BBS9: variants seen among roughly 807,000 people sequenced by gnomAD.
The protein encoded by BBS9 is Bardet-Biedl syndrome 9.
BBS9 carries 89 observed loss-of-function variants against 117.7 expected under a neutral mutation model. That is an observed-to-expected ratio of 0.76 (90% CI 0.64 to 0.90). The LOEUF is 0.90. BBS9 is among the 40% of genes least tolerant of loss of function. BBS9 has a pLI of 0.00. For synonymous variants in BBS9, 379 were observed against 370.9 expected (o/e 1.02, Z -0.25); for missense variants, 982 against 1,042.2 (o/e 0.94, Z 0.80).
chr7:33,547,848 A>G (rs1563341091), intron 21 of BBS9, among the ~76,000 whole-genome samples: 1 of 152,220 alleles, frequency 6.6e-6, no homozygotes, highest in Non-Finnish European at 1.5e-5. Context: ...TCAGTTATTG[A>G]TAGTATGCTC....
chr7:33,455,462 C>T (rs1035731695), intron 19 of BBS9, among the ~76,000 whole-genome samples: 1 of 152,130 alleles, frequency 6.6e-6, no homozygotes, highest in Non-Finnish European at 1.5e-5. Context: ...GCTTACTAAC[C>T]CAGAAAGAAA....
At chr7:33,263,923 A>G (rs1203314823) in intron 6 of BBS9, among the ~76,000 whole-genome samples, 1 of 151,834 alleles carries the variant, frequency 6.6e-6, no homozygotes, top group East Asian at 1.9e-4. Flanking sequence ...GATAATTTCT[A>G]CTCCATCTGA....
At chr7:33,301,725 C>T (rs2128425462) in intron 9 of BBS9, among the ~76,000 whole-genome samples, 1 of 152,238 alleles carries the variant, frequency 6.6e-6, no homozygotes, top group East Asian at 1.9e-4. Context: ...GTGAATAGTG[C>T]TGCAGTAAAC....
At chr7:33,439,906 G>A (rs922620013) in intron 19 of BBS9, among the ~76,000 whole-genome samples, 2 of 152,170 alleles carry the variant, frequency 1.3e-5, no homozygotes, top group African/African-American at 2.4e-5. Flanking sequence ...CTAGGGTAGG[G>A]CACAAGGACT....
At chr7:33,189,170 G>T (rs937318629) in intron 5 of BBS9, among the ~76,000 whole-genome samples, 1 of 152,058 alleles carries the variant, frequency 6.6e-6, no homozygotes, top group East Asian at 1.9e-4. Flanking sequence ...ACAGATGTGC[G>T]CTACCATGCC....
At chr7:33,467,995 G>A (rs1840431746) in intron 19 of BBS9, among the ~76,000 whole-genome samples, 1 of 152,128 alleles carries the variant, frequency 6.6e-6, no homozygotes, top group South Asian at 2.1e-4. Context: ...TCATCACTTT[G>A]CTGATAATTG....
chr7:33,499,605 A>G (rs1224525199), intron 19 of BBS9, among the ~76,000 whole-genome samples: 2 of 152,230 alleles, frequency 1.3e-5, no homozygotes, highest in Non-Finnish European at 2.9e-5. Context: ...CACATATTGC[A>G]CATGATGAGA....
intron 16 of BBS9, among the ~76,000 whole-genome samples, chr7:33,360,393 C>A (rs1187895225): frequency 1.3e-5 from 2 of 151,814 alleles, no homozygotes; most frequent in Non-Finnish European, 2.9e-5. Flanking sequence ...CCAAACCTTG[C>A]CAATAGAGAA....
chr7:33,408,850 C>G (rs1830581651), intron 19 of BBS9, among the ~76,000 whole-genome samples: 1 of 152,228 alleles, frequency 6.6e-6, no homozygotes, highest in Admixed American at 6.5e-5. Flanking sequence ...TCCCTTTTCT[C>G]TGCAGTCTCA....
intron 21 of BBS9, among the ~76,000 whole-genome samples, chr7:33,632,592 G>A (rs572589705): frequency 1.6e-3 from 245 of 152,110 alleles, no homozygotes; most frequent in African/African-American, 5.7e-3. Context: ...TGTTTTCCCT[G>A]TCCCAGAATG....
At chr7:33,349,308 G>T in intron 13 of BBS9, 138 bp downstream of exon 13, 2 of 716,810 alleles carry the variant, frequency 2.8e-6, no homozygotes. Context: ...GTGTTGTTTT[G>T]CTTATATTTT....
At chr7:33,242,832 T>A (rs1794761434) in intron 5 of BBS9, 1 of 382,278 alleles carries the variant, frequency 2.6e-6, no homozygotes, top group African/African-American at 2.0e-5. Context: ...CAGAAAGGAA[T>A]TTAGAAATTA....
intron 21 of BBS9, among the ~76,000 whole-genome samples, chr7:33,622,468 A>G (rs1258983875): frequency 6.6e-6 from 1 of 152,196 alleles, no homozygotes; most frequent in East Asian, 1.9e-4. Flanking sequence ...ACCACACAAA[A>G]AATGAAAAGT....
chr7:33,471,690 G>T (rs1053645246), intron 19 of BBS9, among the ~76,000 whole-genome samples: 1 of 152,364 alleles, frequency 6.6e-6, no homozygotes, highest in South Asian at 2.1e-4. Flanking sequence ...CAACAGCCAC[G>T]CTGGAGACTG....
intron 9 of BBS9, among the ~76,000 whole-genome samples, chr7:33,294,490 T>A (rs530689287): frequency 5.7e-4 from 87 of 152,288 alleles, no homozygotes; most frequent in Non-Finnish European, 1.1e-3. Context: ...GCATCTTGGC[T>A]GGAGGCTCCA....
At chr7:33,232,931 A>C (rs1418375546) in intron 5 of BBS9, among the ~76,000 whole-genome samples, 2 of 152,178 alleles carry the variant, frequency 1.3e-5, no homozygotes, top group African/African-American at 2.4e-5. Flanking sequence ...CTCTCAAACA[A>C]TTCATCTGTT....
intron 5 of BBS9, among the ~76,000 whole-genome samples, chr7:33,253,258 GTTAT>G (rs1445794960): frequency 1.3e-5 from 2 of 152,178 alleles, no homozygotes; most frequent in Non-Finnish European, 2.9e-5. Context: ...TAGGTTCTGT[GTTAT>G]TTAAGATCTG....
chr7:33,255,242 T>G (rs1796840984), intron 5 of BBS9, among the ~76,000 whole-genome samples: 1 of 152,168 alleles, frequency 6.6e-6, no homozygotes, highest in African/African-American at 2.4e-5. Flanking sequence ...CCATGAAGCT[T>G]TTTACCATAT....
At chr7:33,505,767 A>T in intron 20 of BBS9, 122 bp downstream of exon 20, 1 of 1,060,312 alleles carries the variant, frequency 9.4e-7, no homozygotes, top group Non-Finnish European at 1.4e-6. Context: ...TTTTACAAAA[A>T]TGCTGCTTTC....
Sources: allele counts gnomAD v4.1 joint callset (sites outside exome capture counted in the v4.1 genomes callset), GRCh38; gene constraint gnomAD v4.1.1; transcripts MANE v1.5; gene names NCBI Gene and HGNC (gene_info 2026-07-23, HGNC 2026-07-21).